The following TRAK1 variants were observed in gnomAD, a reference collection of about 807,000 sequenced individuals.
TRAK1 encodes trafficking kinesin protein 1.
Under a neutral mutation model 92.1 loss-of-function variants are expected in TRAK1, and 33 were observed. The observed-to-expected ratio is 0.36, with a 90% CI of 0.27 to 0.48. The LOEUF (loss-of-function observed/expected upper bound fraction) is 0.48, where lower values mean the gene tolerates loss of function less well. Among genes scored for constraint, TRAK1 ranks in the 20% least tolerant of loss-of-function variants. The pLI is 0.99. For missense variants in TRAK1, 1,123 were observed against 1,257.9 expected, an observed-to-expected ratio of 0.89 and a Z score of 1.62; for synonymous variants, 521 against 517.3, an observed-to-expected ratio of 1.01 and a Z score of -0.10.
chr3:42,119,510 C>T (rs1360156399), intron 1 of TRAK1, among the ~76,000 whole-genome samples: 1 of 152,198 alleles, frequency 6.6e-6, no homozygotes, highest in Non-Finnish European at 1.5e-5. Context: ...GTAATTGGAA[C>T]TGTAGCCTCA....
intron 13 of TRAK1, chr3:42,204,067 T>G: frequency 2.0e-6 from 2 of 985,540 alleles, no homozygotes; most frequent in Non-Finnish European, 2.4e-6. Flanking sequence ...GGGTCTTTCT[T>G]AGAGTTCAGA....
At chr3:42,191,792 C>T (rs1358951816) in intron 7 of TRAK1, among the ~76,000 whole-genome samples, 156 bp downstream of exon 7, 2 of 151,936 alleles carry the variant, frequency 1.3e-5, no homozygotes, top group African/African-American at 4.8e-5. Context: ...GTGTGGCACC[C>T]CCTCTCTATT....
At chr3:42,160,137 T>A in intron 2 of TRAK1, 1 of 1,030,604 alleles carries the variant, frequency 9.7e-7, no homozygotes, top group Non-Finnish European at 1.2e-6. Context: ...TCCTCCAGGC[T>A]CATAGGAGCC....
chr3:42,208,434 G>A (rs925890373), intron 13 of TRAK1, among the ~76,000 whole-genome samples: 7 of 152,114 alleles, frequency 4.6e-5, no homozygotes, highest in Non-Finnish European at 7.4e-5. Context: ...CAGACTCTGC[G>A]CACACCATGC....
upstream of TRAK1, among the ~76,000 whole-genome samples, chr3:42,090,662 G>A (rs1704974289): frequency 6.6e-6 from 1 of 152,168 alleles, no homozygotes; most frequent in Non-Finnish European, 1.5e-5. Flanking sequence ...TAGCCTTGGC[G>A]ACAGAGTGAG....
chr3:42,100,915 G>A (rs959320323), intron 1 of TRAK1, among the ~76,000 whole-genome samples: 3 of 152,156 alleles, frequency 2.0e-5, no homozygotes, highest in Non-Finnish European at 4.4e-5. Context: ...TGATCCACCC[G>A]CCTCAGCCTC....
intron 1 of TRAK1, among the ~76,000 whole-genome samples, chr3:42,100,418 GAAGAA>G (rs1196581571): frequency 1.3e-5 from 2 of 152,148 alleles, no homozygotes; most frequent in Non-Finnish European, 2.9e-5. Context: ...TAGTTGTGTA[GAAGAA>G]AAGAAATCTT....
chr3:42,056,912 G>T (rs1024407466), intron 1 of TRAK1, among the ~76,000 whole-genome samples: 1 of 152,154 alleles, frequency 6.6e-6, no homozygotes, highest in Non-Finnish European at 1.5e-5. Flanking sequence ...TAAAAATCTT[G>T]TGTGAGAGAC....
At chr3:42,076,427 T>C (rs1704163193) in intron 1 of TRAK1, among the ~76,000 whole-genome samples, 1 of 151,856 alleles carries the variant, frequency 6.6e-6, no homozygotes, top group African/African-American at 2.4e-5. Context: ...GGTTTCACCA[T>C]GTTGGCCAGG....
chr3:42,170,894 G>T (rs1317501557), intron 2 of TRAK1, among the ~76,000 whole-genome samples: 1 of 151,460 alleles, frequency 6.6e-6, no homozygotes, highest in East Asian at 1.9e-4. Context: ...CATGATCTCG[G>T]CTTACTGCAA....
intron 2 of TRAK1, among the ~76,000 whole-genome samples, chr3:42,144,595 G>A (rs1461862784): frequency 1.3e-5 from 2 of 152,126 alleles, no homozygotes; most frequent in African/African-American, 2.4e-5. Flanking sequence ...AAAATTCATA[G>A]TGCTGTAAGG....
intron 1 of TRAK1, among the ~76,000 whole-genome samples, chr3:42,119,678 C>T (rs1576454770): frequency 6.6e-6 from 1 of 152,328 alleles, no homozygotes; most frequent in East Asian, 1.9e-4. Context: ...TGCAACTGGA[C>T]AGACGGAAAG....
chr3:42,075,336 G>A (rs1704103398), intron 1 of TRAK1, among the ~76,000 whole-genome samples: 1 of 55,222 alleles, frequency 1.8e-5, no homozygotes, highest in Admixed American at 3.1e-4. Context: ...GTGAGACTCA[G>A]TCTCAAAAAA....
At chr3:42,042,852 G>A (rs1236828000) in intron 1 of TRAK1, among the ~76,000 whole-genome samples, 1 of 152,088 alleles carries the variant, frequency 6.6e-6, no homozygotes, top group Non-Finnish European at 1.5e-5. Context: ...GTCATCTGTT[G>A]TACTCACTGC....
intron 3 of TRAK1, among the ~76,000 whole-genome samples, chr3:42,177,793 AC>A (rs760868953): frequency 5.9e-5 from 9 of 152,014 alleles, no homozygotes; most frequent in Non-Finnish European, 1.2e-4. Context: ...CCATGTCTCT[AC>A]CGCTGCACAT....
intron 14 of TRAK1, chr3:42,210,921 A>C (rs772027260): frequency 5.6e-5 from 55 of 985,330 alleles, no homozygotes; most frequent in Non-Finnish European, 6.3e-5. Flanking sequence ...ACTGGGATGA[A>C]AAGCTTTGTG....
intron 1 of TRAK1, among the ~76,000 whole-genome samples, chr3:42,040,653 T>A (rs1281189913): frequency 6.6e-6 from 1 of 152,000 alleles, no homozygotes; most frequent in Non-Finnish European, 1.5e-5. Flanking sequence ...AGTTCACTGA[T>A]CTGTATATCC....
chr3:42,209,978 G>T lies in TRAK1; in HGVS notation c.1956G>T (p.Glu652Asp). 6.2e-7 allele frequency: 1 copy of T among 1,614,194 alleles called. No individual in the cohort carries two copies. Reference protein sequence around the residue: ...LATSTPVQHPETSAHHPGKCM... With the variant: ...LATSTPVQHPDTSAHHPGKCM... The stretch of plus-strand genomic sequence containing the variant: ...CCTCCACTCCAGTTCAGCACCCAGA[G>T]ACCTCAGGTGAGAGGTCCCAAGCAC... The change falls in exon 14 of 16, where the codon GAG becomes GAT. Residue 652 changes from glutamate to aspartate, a missense_variant. By Grantham distance (45) the Glu-to-Asp change is conservative. This residue lies in a region of TRAK1 where 401 missense variants were observed against 438.9 expected (regional missense o/e 0.91). Coordinates refer to ENST00000327628, the MANE Select transcript of TRAK1 (RefSeq NM_001042646.3).
intron 1 of TRAK1, among the ~76,000 whole-genome samples, chr3:42,100,340 C>T (rs1288505555): frequency 6.6e-6 from 1 of 152,148 alleles, no homozygotes; most frequent in East Asian, 1.9e-4. Context: ...GCACTCCAGC[C>T]TGGATGACAG....
Sources: allele counts gnomAD v4.1 joint callset (sites outside exome capture counted in the v4.1 genomes callset), GRCh38; gene constraint gnomAD v4.1.1; regional missense constraint gnomAD v4.1.1; transcripts MANE v1.5; gene names NCBI Gene and HGNC (gene_info 2026-07-23, HGNC 2026-07-21).